ARHGEF7: variants seen among roughly 807,000 people sequenced by gnomAD.
The protein encoded by ARHGEF7 is Rho guanine nucleotide exchange factor 7.
ARHGEF7 carries 33 observed loss-of-function variants against 109.8 expected under a neutral mutation model. That is an observed-to-expected ratio of 0.30 (90% CI 0.23 to 0.40). ARHGEF7 has a LOEUF of 0.40. Ranked by LOEUF, ARHGEF7 falls within the 10% of genes least tolerant of loss-of-function variation. The probability of loss-of-function intolerance (pLI) is 1.00; values close to 1 mark genes in which losing one functional copy is unlikely to be tolerated. For synonymous variants in ARHGEF7, 458 were observed against 424.6 expected (o/e 1.08, Z -0.97); for missense variants, 938 against 1,098.5 (o/e 0.85, Z 2.07).
In ARHGEF7 at chr13:111,231,569, G is replaced by A. The variant is rs531569377; in HGVS notation, c.671-1636G>A. ...AAGTTAAGGAGCATGAGGTTGGTTC[G>A]GGGCATTCTGGGTTTCTGTTGCCAG... On this transcript the variant is annotated intron_variant, in intron 5 of 21. Transcript: ENST00000646102. Among the ~76,000 whole-genome samples, 84 of 152,320 alleles carry A rather than the reference G, an allele frequency of 5.5e-4. 1 individual carries two copies. The highest frequency in any genetic ancestry group is 3.4e-3 in the Middle Eastern group (1 of 294).
chr13:111,115,832 G>T, intron 1 of ARHGEF7, 141 bp downstream of exon 1: 1 of 309,340 alleles, frequency 3.2e-6, no homozygotes, highest in Non-Finnish European at 4.8e-6. Flanking sequence ...CGCGGCCGGC[G>T]CCAGGACCGT....
At chr13:111,236,509 A>G (rs2086853351) in intron 6 of ARHGEF7, among the ~76,000 whole-genome samples, 1 of 152,202 alleles carries the variant, frequency 6.6e-6, no homozygotes, top group Non-Finnish European at 1.5e-5. Flanking sequence ...TGTCTTGCTC[A>G]GTGACTCACC....
rs79146041 is a variant in ARHGEF7, at chr13:111,305,070, G to A, written c.*1957G>A. The A allele has an allele frequency of 2.0e-5, 3 of 152,344 alleles. No homozygotes were observed. Among genetic ancestry groups the A allele is most frequent in the East Asian group, 1.9e-4 (1 of 5,182 alleles). The allele number at this position is 152,344 out of a possible 1,614,324, so 9.4% of individuals were successfully genotyped here. The stretch of plus-strand genomic sequence containing the variant: ...GCGTTGCTGTCCGAGTCCCCAGGAC[G>A]GATCTCCTGCAGACCTGCCTTAATG... On this transcript the variant is annotated 3_prime_UTR_variant, in exon 22 of 22. Transcript: ENST00000646102.
At chr13:111,192,181 C>T (rs556940323) in intron 2 of ARHGEF7, among the ~76,000 whole-genome samples, 1 of 152,236 alleles carries the variant, frequency 6.6e-6, no homozygotes, top group East Asian at 1.9e-4. Flanking sequence ...GCTGATGGTC[C>T]TGCAGGTTTC....
At chr13:111,170,765 C>T (rs1006487230) in intron 2 of ARHGEF7, among the ~76,000 whole-genome samples, 1 of 152,164 alleles carries the variant, frequency 6.6e-6, no homozygotes, top group Non-Finnish European at 1.5e-5. Context: ...TGCCCAGGCC[C>T]CTGGAAGCAG....
chr13:111,123,013 G>A (rs2153322795), intron 1 of ARHGEF7, among the ~76,000 whole-genome samples: 1 of 152,344 alleles, frequency 6.6e-6, no homozygotes, highest in South Asian at 2.1e-4. Flanking sequence ...GAGAAGGGTT[G>A]GGGTAGACGA....
intron 1 of ARHGEF7, among the ~76,000 whole-genome samples, chr13:111,150,694 T>C (rs947470754): frequency 9.2e-5 from 14 of 152,340 alleles, no homozygotes; most frequent in African/African-American, 3.4e-4. Context: ...GGTGGCTTCC[T>C]TGTTGGCGTC....
At chr13:111,135,270 C>T (rs1436102558) in intron 1 of ARHGEF7, among the ~76,000 whole-genome samples, 12 of 152,120 alleles carry the variant, frequency 7.9e-5, no homozygotes, top group Non-Finnish European at 1.8e-4. Flanking sequence ...TTAGGATTGA[C>T]TTGGCAATGC....
chr13:111,271,778 G>A (rs1354116395), intron 9 of ARHGEF7, among the ~76,000 whole-genome samples: 1 of 152,202 alleles, frequency 6.6e-6, no homozygotes, highest in African/African-American at 2.4e-5. Flanking sequence ...TATATATGGA[G>A]TTGATAAAAT....
chr13:111,195,634 A>C (rs543026069), intron 2 of ARHGEF7, among the ~76,000 whole-genome samples: 2 of 152,260 alleles, frequency 1.3e-5, no homozygotes, highest in Admixed American at 6.5e-5. Context: ...CTGTTGTTGG[A>C]TCATCTGGTT....
intron 6 of ARHGEF7, 32 bp downstream of exon 6, chr13:111,233,325 T>C (rs760540470): frequency 6.4e-7 from 1 of 1,568,598 alleles, no homozygotes; most frequent in Non-Finnish European, 8.8e-7. Context: ...TTAAACTAAC[T>C]GGTTTTTGAC....
intron 2 of ARHGEF7, among the ~76,000 whole-genome samples, chr13:111,192,949 C>T (rs1035843593): frequency 6.6e-6 from 1 of 152,158 alleles, no homozygotes; most frequent in Non-Finnish European, 1.5e-5. Context: ...TGCCAGTCCT[C>T]TCCGGGCTAG....
intron 1 of ARHGEF7, among the ~76,000 whole-genome samples, chr13:111,119,070 G>T (rs2066995845): frequency 6.6e-6 from 1 of 152,202 alleles, no homozygotes; most frequent in Admixed American, 6.5e-5. Flanking sequence ...CCAAGGAGGG[G>T]TCTGTCCCAG....
rs1395662136 is a variant in ARHGEF7, at chr13:111,221,425, C to A, written c.670+3545C>A. 4.7e-4 allele frequency among the ~76,000 whole-genome samples: 3 copies of A among 6,446 alleles called. 1 individual carries two copies. The highest frequency in any genetic ancestry group is 5.4e-4 in the African/African-American group (1 of 1,860). 4.2% of individuals were successfully genotyped at this position (6,446 alleles called of 152,430 possible). ...TCTATATATATAGATGTCTATATATCTATATATAGATATATATATCTATAT... is the reference window on the plus strand; with the variant it reads ...TCTATATATATAGATGTCTATATATATATATATAGATATATATATCTATAT... On this transcript the variant is annotated intron_variant, in intron 5 of 21. Transcript: ENST00000646102.
chr13:111,189,924 A>C (rs1297958106), intron 2 of ARHGEF7, among the ~76,000 whole-genome samples: 1 of 152,218 alleles, frequency 6.6e-6, no homozygotes. Context: ...CCAGAAGCCC[A>C]GCTGGCTTCA....
At chr13:111,133,211 GTA>G (rs755987039) in intron 1 of ARHGEF7, among the ~76,000 whole-genome samples, 1 of 151,754 alleles carries the variant, frequency 6.6e-6, no homozygotes. Context: ...GTGTATATGT[GTA>G]TATATGTGTG....
chr13:111,303,552 T>C lies in ARHGEF7; in HGVS notation c.*439T>C, dbSNP rs1414875508. 1 of 152,592 alleles carries C rather than the reference T, an allele frequency of 6.6e-6. No individual in the cohort carries two copies. The highest frequency in any genetic ancestry group is 1.5e-5 in the Non-Finnish European group (1 of 68,354). 9.5% of individuals were successfully genotyped at this position (152,592 alleles called of 1,614,324 possible). A position where few individuals can be genotyped will look rare whatever the true frequency, so the allele number is the denominator to read the frequency against. ...CCAGCTACGTGAATAAGAAGTCCCA[T>C]GCCCGCATCCACCGGAAGCAGAAGC... is the stretch of plus-strand genomic sequence containing the variant. On this transcript the variant is annotated 3_prime_UTR_variant, in exon 22 of 22. Coordinates refer to ENST00000646102, the MANE Select transcript of ARHGEF7 (RefSeq NM_001354046.2).
At chr13:111,296,489 T>A (rs2153631817) in intron 19 of ARHGEF7, among the ~76,000 whole-genome samples, 1 of 152,154 alleles carries the variant, frequency 6.6e-6, no homozygotes, top group South Asian at 2.1e-4. Flanking sequence ...ATTCTTGGAG[T>A]CCTCGAGTTT....
intron 2 of ARHGEF7, among the ~76,000 whole-genome samples, chr13:111,202,416 G>C (rs2081310632): frequency 6.6e-6 from 1 of 152,198 alleles, no homozygotes; most frequent in Non-Finnish European, 1.5e-5. Flanking sequence ...AGCCCCCCAG[G>C]AGGTCTTAAC....
Sources: allele counts gnomAD v4.1 joint callset (sites outside exome capture counted in the v4.1 genomes callset), GRCh38; gene constraint gnomAD v4.1.1; transcripts MANE v1.5; gene names NCBI Gene and HGNC (gene_info 2026-07-23, HGNC 2026-07-21).